The following FHIT variants were observed in gnomAD, a reference collection of about 807,000 sequenced individuals.
FHIT encodes the protein fragile histidine triad diadenosine triphosphatase.
A neutral mutation model predicts 17.9 loss-of-function variants in FHIT; 19 were observed. The observed-to-expected ratio is 1.06, with a 90% confidence interval of 0.74 to 1.56. The LOEUF is 1.56. Among genes scored for constraint, FHIT ranks in the 40% most tolerant of loss-of-function variants. FHIT has a pLI of 0.00. For missense variants in FHIT, 248 were observed against 189.2 expected, an observed-to-expected ratio of 1.31 and a Z score of -1.82; for synonymous variants, 81 against 69.7, an observed-to-expected ratio of 1.16 and a Z score of -0.81.
At chr3:60,016,879 C>T (rs1039474386) in intron 5 of FHIT, among the ~76,000 whole-genome samples, 4 of 152,162 alleles carry the variant, frequency 2.6e-5, no homozygotes, top group Admixed American at 6.5e-5. Flanking sequence ...CACTTTTGTA[C>T]GTACTCTTAC....
chr3:60,186,080 T>C (rs181232843), intron 5 of FHIT, among the ~76,000 whole-genome samples: 3 of 152,314 alleles, frequency 2.0e-5, no homozygotes, highest in Admixed American at 6.5e-5. Flanking sequence ...TTTTGTGTTC[T>C]CCCAGACTCT....
chr3:61,126,200 G>A (rs2036601157), intron 2 of FHIT, among the ~76,000 whole-genome samples: 1 of 151,996 alleles, frequency 6.6e-6, no homozygotes, highest in African/African-American at 2.4e-5. Flanking sequence ...ACTTGAGCCA[G>A]ACACCATCCT....
chr3:60,497,244 G>C (rs1272756785), intron 5 of FHIT, among the ~76,000 whole-genome samples: 2 of 152,274 alleles, frequency 1.3e-5, no homozygotes, highest in African/African-American at 4.8e-5. Flanking sequence ...GGTTGAGAAA[G>C]GCAGCCCTAA....
At chr3:60,354,405 C>G (rs918828474) in intron 5 of FHIT, among the ~76,000 whole-genome samples, 1 of 151,912 alleles carries the variant, frequency 6.6e-6, no homozygotes, top group Non-Finnish European at 1.5e-5. Context: ...ATTCCTATAC[C>G]CTGCTAAAAA....
At chr3:60,045,122 G>A (rs531275653) in intron 5 of FHIT, among the ~76,000 whole-genome samples, 10 of 152,266 alleles carry the variant, frequency 6.6e-5, no homozygotes, top group South Asian at 2.1e-4. Context: ...AGATGAGTGA[G>A]TTCTGAAGAT....
At chr3:60,605,037 T>G (rs1004765768) in intron 4 of FHIT, among the ~76,000 whole-genome samples, 7 of 152,106 alleles carry the variant, frequency 4.6e-5, no homozygotes, top group Admixed American at 4.6e-4. Context: ...TTTTTTAAAA[T>G]TAGGATTTCT....
intron 4 of FHIT, among the ~76,000 whole-genome samples, chr3:60,555,895 G>T (rs1229410891): frequency 1.3e-5 from 2 of 152,194 alleles, no homozygotes; most frequent in Non-Finnish European, 2.9e-5. Context: ...GCTGGAGTTT[G>T]CAGGGTGGCT....
At chr3:60,938,651 G>C (rs73836061) in intron 3 of FHIT, among the ~76,000 whole-genome samples, 162 of 152,274 alleles carry the variant, frequency 1.1e-3, no homozygotes, top group African/African-American at 3.6e-3. Flanking sequence ...GTTAAACAGC[G>C]TCAGGGGAGA....
chr3:59,986,574 T>TACACAC lies in FHIT; in HGVS notation c.279+24791_279+24796dup, dbSNP rs1203741421. On this transcript the variant is annotated intron_variant, in intron 7 of 9. Coordinates refer to ENST00000492590, the MANE Select transcript of FHIT (RefSeq NM_002012.4). The stretch of plus-strand genomic sequence containing the variant: ...ACACACACACACACACACACATATA[T>TACACAC]ACACACACACACACACACACACATA... Among the ~76,000 whole-genome samples, 8 of 59,810 alleles carry TACACAC rather than the reference T, an allele frequency of 1.3e-4. 1 individual carries two copies. The highest frequency in any genetic ancestry group is 2.0e-4 in the Non-Finnish European group (7 of 34,496). 39.2% of individuals were successfully genotyped at this position (59,810 alleles called of 152,430 possible).
intron 7 of FHIT, among the ~76,000 whole-genome samples, chr3:59,945,512 T>G (rs1340145076): frequency 6.6e-6 from 1 of 152,044 alleles, no homozygotes; most frequent in Non-Finnish European, 1.5e-5. Flanking sequence ...ATGCATAAGC[T>G]CTTTAGCTTA....
At chr3:60,000,742 C>G (rs558727479) in intron 7 of FHIT, among the ~76,000 whole-genome samples, 1 of 152,078 alleles carries the variant, frequency 6.6e-6, no homozygotes, top group South Asian at 2.1e-4. Context: ...TACCCTCTGC[C>G]CTGAAATACA....
At chr3:60,054,058 A>G (rs1384404971) in intron 5 of FHIT, among the ~76,000 whole-genome samples, 3 of 152,190 alleles carry the variant, frequency 2.0e-5, no homozygotes, top group African/African-American at 7.2e-5. Context: ...AAATTTAATA[A>G]TTTTGCTCAA....
rs572330710 is a variant in FHIT, at chr3:60,678,201, A to T, written c.-17-141222T>A. 7.2e-5 allele frequency among the ~76,000 whole-genome samples: 11 copies of T among 152,234 alleles called. No homozygotes were observed. The South Asian group carries it at 2.3e-3, about 32-fold the overall frequency. On this transcript the variant is annotated intron_variant, in intron 4 of 9. Coordinates refer to ENST00000492590, the MANE Select transcript of FHIT (RefSeq NM_002012.4). Reference sequence around the variant, plus strand: ...AATTTATATCATTCAAACAGATAGAACTGCCTTGTGCTTGTTTCAGCCTTG... The same window carrying T: ...AATTTATATCATTCAAACAGATAGATCTGCCTTGTGCTTGTTTCAGCCTTG...
intron 5 of FHIT, among the ~76,000 whole-genome samples, chr3:60,148,331 T>A (rs557295809): frequency 6.6e-6 from 1 of 152,312 alleles, no homozygotes; most frequent in Admixed American, 6.5e-5. Flanking sequence ...TTTGCACAAG[T>A]CAGGGATGCA....
chr3:60,574,968 G>A (rs887307795), intron 4 of FHIT, among the ~76,000 whole-genome samples: 2 of 151,704 alleles, frequency 1.3e-5, no homozygotes, highest in Non-Finnish European at 2.9e-5. Context: ...TCTTGAGGTT[G>A]GGAACATCGT....
intron 5 of FHIT, among the ~76,000 whole-genome samples, chr3:60,049,087 A>G (rs1247919690): frequency 1.3e-5 from 2 of 152,148 alleles, no homozygotes; most frequent in Non-Finnish European, 1.5e-5. Flanking sequence ...ACCTCACCCT[A>G]TAGACATAGG....
chr3:60,786,441 G>C (rs1448705202), intron 4 of FHIT, among the ~76,000 whole-genome samples: 1 of 152,194 alleles, frequency 6.6e-6, no homozygotes, highest in Non-Finnish European at 1.5e-5. Flanking sequence ...ATATGCTTAA[G>C]AATGGAGATG....
intron 5 of FHIT, among the ~76,000 whole-genome samples, chr3:60,190,737 A>G (rs1221300233): frequency 1.3e-5 from 2 of 152,166 alleles, no homozygotes; most frequent in Non-Finnish European, 2.9e-5. Flanking sequence ...CACATTGTGC[A>G]CATGTACCCT....
At chr3:60,531,191 A>G (rs1462681288) in intron 5 of FHIT, among the ~76,000 whole-genome samples, 2 of 152,048 alleles carry the variant, frequency 1.3e-5, no homozygotes, top group Non-Finnish European at 2.9e-5. Context: ...AAATTTTAAG[A>G]GCAAAAACCT....
Sources: allele counts gnomAD v4.1 joint callset (sites outside exome capture counted in the v4.1 genomes callset), GRCh38; gene constraint gnomAD v4.1.1; transcripts MANE v1.5; gene names NCBI Gene and HGNC (gene_info 2026-07-23, HGNC 2026-07-21).